The following TMTC2 variants were observed in gnomAD, a reference collection of about 807,000 sequenced individuals.
TMTC2 encodes the protein transmembrane O-mannosyltransferase targeting cadherins 2, also known as protein O-mannosyl-transferase TMTC2.
Under a neutral mutation model 82.4 loss-of-function variants are expected in TMTC2, and 43 were observed. The ratio of observed to expected loss-of-function variants is 0.52; its 90% confidence interval spans 0.41 to 0.67. The LOEUF is 0.67. Among genes scored for constraint, TMTC2 ranks in the 30% least tolerant of loss-of-function variants. The pLI, the probability that TMTC2 is intolerant of heterozygous loss-of-function variation, is 0.00. For synonymous variants in TMTC2, 408 were observed against 381.9 expected, an observed-to-expected ratio of 1.07 and a Z score of -0.80; for missense variants, 919 against 1,012.4, an observed-to-expected ratio of 0.91 and a Z score of 1.25.
chr12:82,701,041 T>C (rs923828096), intron 1 of TMTC2, among the ~76,000 whole-genome samples: 10 of 152,074 alleles, frequency 6.6e-5, no homozygotes, highest in African/African-American at 9.7e-5. Flanking sequence ...ATGATTCAAT[T>C]ACTTCCCACC....
At chr12:82,908,974 AGT>A (rs1592619214) in intron 3 of TMTC2, among the ~76,000 whole-genome samples, 1 of 152,144 alleles carries the variant, frequency 6.6e-6, no homozygotes, top group East Asian at 1.9e-4. Flanking sequence ...TAGTTTTAAA[AGT>A]GTTTTTGCTT....
At chr12:83,014,997 C>T (rs1264426182) in intron 8 of TMTC2, among the ~76,000 whole-genome samples, 1 of 152,136 alleles carries the variant, frequency 6.6e-6, no homozygotes, top group African/African-American at 2.4e-5. Context: ...CCCAAGTAGT[C>T]CCGCTTTTCT....
chr12:82,875,327 G>A (rs886533071), intron 2 of TMTC2, among the ~76,000 whole-genome samples: 1 of 150,956 alleles, frequency 6.6e-6, no homozygotes, highest in Non-Finnish European at 1.5e-5. Context: ...CTGTCATGAG[G>A]ATATTAATCT....
intron 1 of TMTC2, among the ~76,000 whole-genome samples, chr12:82,719,292 C>T (rs1329216655): frequency 6.6e-6 from 1 of 151,450 alleles, no homozygotes; most frequent in East Asian, 1.9e-4. Flanking sequence ...CGGGGTTTCA[C>T]CATCTTGGCC....
chr12:82,809,700 G>A (rs1879400507), intron 1 of TMTC2, among the ~76,000 whole-genome samples: 1 of 152,094 alleles, frequency 6.6e-6, no homozygotes, highest in South Asian at 2.1e-4. Context: ...CAGATTCTGT[G>A]TATGCAATAA....
chr12:83,124,563 C>CTT lies in TMTC2; in HGVS notation c.2332-7633_2332-7632dup, dbSNP rs61668693. The stretch of plus-strand genomic sequence containing the variant: ...GCTATGAATAAGAAATTGTTGAAAT[C>CTT]TTTTTTTTTTTTTTTAATGAGCAGA... On this transcript the variant is annotated intron_variant, in intron 11 of 11. Coordinates refer to ENST00000321196, the MANE Select transcript of TMTC2 (RefSeq NM_152588.3). Among the ~76,000 whole-genome samples the CTT allele has an allele frequency of 4.3e-3, 596 of 138,542 alleles. 4 individuals are homozygous for CTT. The highest frequency in any genetic ancestry group is 0.03 in the East Asian group (140 of 4,652). 90.9% of individuals were successfully genotyped at this position (138,542 alleles called of 152,430 possible). A position where few individuals can be genotyped will look rare whatever the true frequency, so the allele number is the denominator to read the frequency against.
chr12:82,923,460 G>A (rs1875510087), intron 3 of TMTC2, among the ~76,000 whole-genome samples: 1 of 151,798 alleles, frequency 6.6e-6, no homozygotes, highest in Non-Finnish European at 1.5e-5. Context: ...TGTTCATAAT[G>A]TTCTTCACTA....
Position 83,046,446 on chromosome 12 carries a change from A to G in TMTC2, c.2153-4458A>G, listed in dbSNP as rs74542374. On this transcript the variant is annotated intron_variant, in intron 9 of 11. Coordinates refer to ENST00000321196, the MANE Select transcript of TMTC2 (RefSeq NM_152588.3). ...GTGCCTTGCTCTCTATTTTAGTTCAAGTCCTCCAGGTCATTCTGTTGTGCT... is the reference window on the plus strand; with the variant it reads ...GTGCCTTGCTCTCTATTTTAGTTCAGGTCCTCCAGGTCATTCTGTTGTGCT... Among the ~76,000 whole-genome samples, 1,343 of 152,268 alleles carry G rather than the reference A, an allele frequency of 8.8e-3. 27 individuals are homozygous for G. Among genetic ancestry groups the G allele is most frequent in the African/African-American group, 0.031 (1,280 of 41,544 alleles).
At position 83,018,068 on chromosome 12, in the gene TMTC2, A is replaced by G. The variant is rs1330667056; in HGVS notation, c.2071-12730A>G. 5.3e-5 allele frequency among the ~76,000 whole-genome samples: 8 copies of G among 150,080 alleles called. No individual in the cohort carries two copies. The East Asian group carries it at 1.6e-3, about 29-fold the overall frequency. ...GTGTATGTATATATATATATATAAAATTAGAGAATTATTTACATCTGGTTT... is the reference window on the plus strand; with the variant it reads ...GTGTATGTATATATATATATATAAAGTTAGAGAATTATTTACATCTGGTTT... On this transcript the variant is annotated intron_variant, in intron 8 of 11. Coordinates refer to ENST00000321196, the MANE Select transcript of TMTC2 (RefSeq NM_152588.3).
Position 83,116,580 on chromosome 12 carries a change from C to A in TMTC2, c.2332-15630C>A, listed in dbSNP as rs145460425. ...CAGTGTAGAAGTGTTCCCCATTCATCACATCCATGCCAACATCTACTATTT... is the reference window on the plus strand; with the variant it reads ...CAGTGTAGAAGTGTTCCCCATTCATAACATCCATGCCAACATCTACTATTT... On this transcript the variant is annotated intron_variant, in intron 11 of 11. Transcript: ENST00000321196. 6.2e-4 allele frequency among the ~76,000 whole-genome samples: 95 copies of A among 152,294 alleles called. 1 individual carries two copies. In the East Asian group the frequency reaches 0.015, roughly 24 times the overall value.
At chr12:82,751,752 A>G (rs893813771) in intron 1 of TMTC2, among the ~76,000 whole-genome samples, 6 of 152,164 alleles carry the variant, frequency 3.9e-5, no homozygotes, top group Non-Finnish European at 8.8e-5. Context: ...GATACATTCA[A>G]TGTTTGTAGT....
At chr12:82,702,831 C>T (rs949552715) in intron 1 of TMTC2, among the ~76,000 whole-genome samples, 2 of 151,886 alleles carry the variant, frequency 1.3e-5, no homozygotes, top group African/African-American at 4.8e-5. Flanking sequence ...CTGGGCAACA[C>T]AGGGAGACCC....
chr12:82,756,381 G>C (rs1016973523), intron 1 of TMTC2, among the ~76,000 whole-genome samples: 3 of 152,178 alleles, frequency 2.0e-5, no homozygotes, highest in African/African-American at 7.2e-5. Flanking sequence ...GAAGGGAAAA[G>C]CCTACATATA....
At chr12:83,062,486 A>T (rs755425162) in intron 11 of TMTC2, among the ~76,000 whole-genome samples, 1 of 151,800 alleles carries the variant, frequency 6.6e-6, no homozygotes, top group Non-Finnish European at 1.5e-5. Context: ...TTATTTTCAT[A>T]TACCTTCTGC....
chr12:83,058,666 G>T (rs1882632033), intron 10 of TMTC2, among the ~76,000 whole-genome samples: 2 of 151,964 alleles, frequency 1.3e-5, no homozygotes, highest in African/African-American at 4.8e-5. Context: ...TGGATCCATT[G>T]TGGGTTCCTG....
At chr12:82,915,557 C>T (rs757403174) in intron 3 of TMTC2, among the ~76,000 whole-genome samples, 15 of 152,136 alleles carry the variant, frequency 9.9e-5, no homozygotes, top group Non-Finnish European at 1.6e-4. Flanking sequence ...CAGGAACATA[C>T]CTGATGGCTG....
intron 1 of TMTC2, among the ~76,000 whole-genome samples, chr12:82,707,706 TTGTC>T (rs1429965055): frequency 6.6e-6 from 1 of 152,212 alleles, no homozygotes; most frequent in Non-Finnish European, 1.5e-5. Context: ...GGAGGCAGGT[TTGTC>T]TGTGTGACAC....
At chr12:83,003,955 A>G (rs1325045811) in intron 8 of TMTC2, among the ~76,000 whole-genome samples, 1 of 152,010 alleles carries the variant, frequency 6.6e-6, no homozygotes, top group Non-Finnish European at 1.5e-5. Context: ...CATATCCTCA[A>G]ATATGTTTTA....
At chr12:82,789,252 A>C (rs1468060786) in intron 1 of TMTC2, among the ~76,000 whole-genome samples, 3 of 152,138 alleles carry the variant, frequency 2.0e-5, no homozygotes, top group Non-Finnish European at 4.4e-5. Flanking sequence ...TTTGCCAAGC[A>C]ATCATGACCA....
Sources: allele counts gnomAD v4.1 joint callset (sites outside exome capture counted in the v4.1 genomes callset), GRCh38; gene constraint gnomAD v4.1.1; transcripts MANE v1.5; gene names NCBI Gene and HGNC (gene_info 2026-07-23, HGNC 2026-07-21).